Variants in PTPRD observed in about 807,000 individuals in gnomAD.
PTPRD encodes protein tyrosine phosphatase receptor type D, also known as receptor-type tyrosine-protein phosphatase delta.
In PTPRD, 34 loss-of-function variants were observed where a neutral mutation model predicts 214.5. The ratio of observed to expected loss-of-function variants is 0.16; its 90% CI spans 0.12 to 0.21. PTPRD has a LOEUF of 0.21. Among genes scored for constraint, PTPRD ranks in the 10% least tolerant of loss-of-function variants. PTPRD has a pLI of 1.00. For missense variants in PTPRD, 2,545 were observed against 2,398.7 expected, an observed-to-expected ratio of 1.06 and a Z score of -1.27; for synonymous variants, 1,128 against 845.7, an observed-to-expected ratio of 1.33 and a Z score of -5.79.
chr9:8,946,857 C>T (rs745669741), intron 11 of PTPRD, among the ~76,000 whole-genome samples: 9 of 151,864 alleles, frequency 5.9e-5, no homozygotes, highest in Non-Finnish European at 7.4e-5. Context: ...TTCTCTTTGT[C>T]TCTATCCTAT....
intron 27 of PTPRD, among the ~76,000 whole-genome samples, chr9:8,487,239 T>G (rs1219580702): frequency 6.6e-6 from 1 of 152,182 alleles, no homozygotes; most frequent in African/African-American, 2.4e-5. Flanking sequence ...ATTAAACTTC[T>G]TATGGTGAAA....
chr9:9,099,277 T>C (rs1416742451), intron 10 of PTPRD, among the ~76,000 whole-genome samples: 1 of 152,212 alleles, frequency 6.6e-6, no homozygotes. Flanking sequence ...TGCTGGTTCA[T>C]AATTATTCAT....
At position 10,018,538 on chromosome 9, in the gene PTPRD, CTTTTTTTTTTTTT is replaced by C. The variant is rs71321214; in HGVS notation, c.-472+15167_-472+15179del. 2.1e-4 allele frequency among the ~76,000 whole-genome samples: 15 copies of C among 71,126 alleles called. 2 individuals carry two copies. The highest frequency in any genetic ancestry group is 3.5e-4 in the Non-Finnish European group (13 of 36,840). 46.7% of individuals were successfully genotyped at this position (71,126 alleles called of 152,430 possible). A position where few individuals can be genotyped will look rare whatever the true frequency, so the allele number is the denominator to read the frequency against. On this transcript the variant is annotated intron_variant, in intron 4 of 45. Transcript: ENST00000381196. Reference sequence around the variant, plus strand: ...AATGATTTATTTAAGAATTACATTTCTTTTTTTTTTTTTTTTTTTTTTTTTTTGAGACGGAGTC... The same window carrying C: ...AATGATTTATTTAAGAATTACATTTCTTTTTTTTTTTTTTGAGACGGAGTC...
intron 11 of PTPRD, among the ~76,000 whole-genome samples, chr9:8,855,528 CA>C (rs1333201922): frequency 2.1e-4 from 32 of 152,194 alleles, no homozygotes; most frequent in African/African-American, 7.0e-4. Context: ...ATACATTACT[CA>C]ACTATATTAA....
intron 39 of PTPRD, among the ~76,000 whole-genome samples, chr9:8,349,409 C>G (rs928335143): frequency 6.6e-6 from 1 of 152,260 alleles, no homozygotes; most frequent in Non-Finnish European, 1.5e-5. Flanking sequence ...CCATCAGTAT[C>G]TGAGTGCAGT....
intron 2 of PTPRD, among the ~76,000 whole-genome samples, chr9:10,517,602 T>C (rs1012099421): frequency 6.6e-6 from 1 of 152,004 alleles, no homozygotes; most frequent in Admixed American, 6.6e-5. Flanking sequence ...ATTAATATTA[T>C]GTGTAGTATA....
intron 3 of PTPRD, among the ~76,000 whole-genome samples, chr9:10,225,668 C>G (rs1259223800): frequency 6.6e-6 from 1 of 151,996 alleles, no homozygotes; most frequent in African/African-American, 2.4e-5. Flanking sequence ...AGTCTAGGAA[C>G]AAGAAAAGTC....
At chr9:10,606,100 T>G (rs2133582873) in intron 2 of PTPRD, among the ~76,000 whole-genome samples, 1 of 151,938 alleles carries the variant, frequency 6.6e-6, no homozygotes, top group South Asian at 2.1e-4. Flanking sequence ...CTATGGTTCA[T>G]GAATAAACTG....
Position 9,910,492 on chromosome 9 carries a change from G to C in PTPRD, c.-368+28015C>G, listed in dbSNP as rs544043632. 1.7e-4 allele frequency among the ~76,000 whole-genome samples: 26 copies of C among 152,076 alleles called. No homozygotes were observed. In the East Asian group the frequency reaches 4.2e-3, roughly 25 times the overall value. ...TCTTGAAGGATGTTTGAAAACATAC[G>C]TACTCCTCTTGACAGTGTAGGGGTC... is the stretch of plus-strand genomic sequence containing the variant. On this transcript the variant is annotated intron_variant, in intron 5 of 45. Transcript: ENST00000381196.
In PTPRD at chr9:8,437,959, A is replaced by G. The variant is rs2095416274; in HGVS notation, c.3989-1270T>C. On this transcript the variant is annotated intron_variant, in intron 34 of 45. Transcript: ENST00000381196. ...TAATTTTACAGAAGTATCATGAAAG[A>G]GCATTGCTGACTCTTATCTTACAGA... is the stretch of plus-strand genomic sequence containing the variant. 2.0e-5 allele frequency among the ~76,000 whole-genome samples: 3 copies of G among 152,168 alleles called. No homozygotes were observed. In the South Asian group the frequency reaches 6.2e-4, roughly 32 times the overall value.
At chr9:8,446,487 T>A (rs2095732154) in intron 34 of PTPRD, among the ~76,000 whole-genome samples, 1 of 152,220 alleles carries the variant, frequency 6.6e-6, no homozygotes, top group African/African-American at 2.4e-5. Flanking sequence ...TTATCATTCA[T>A]AACAGACCCA....
chr9:9,496,546 G>T (rs559167792), intron 8 of PTPRD, among the ~76,000 whole-genome samples: 71 of 152,184 alleles, frequency 4.7e-4, no homozygotes, highest in Admixed American at 4.1e-3. Context: ...CATAAGGATG[G>T]CTACTATTTA....
chr9:9,564,297 C>CTGAAGTTCCT (rs1431725311), intron 8 of PTPRD, among the ~76,000 whole-genome samples: 1 of 151,992 alleles, frequency 6.6e-6, no homozygotes, highest in African/African-American at 2.4e-5. Flanking sequence ...GGAGCTATGC[C>CTGAAGTTCCT]CAAGTTCTTG....
At chr9:9,928,305 C>T (rs143870539) in intron 5 of PTPRD, among the ~76,000 whole-genome samples, 103 of 152,062 alleles carry the variant, frequency 6.8e-4, no homozygotes, top group African/African-American at 2.4e-3. Flanking sequence ...AATTTCATAC[C>T]ACATTATTTT....
rs57891244 is a variant in PTPRD at position 10,190,718 on chromosome 9, C to CAAAAA, written c.-545+150240_-545+150244dup. 1.7e-3 allele frequency among the ~76,000 whole-genome samples: 75 copies of CAAAAA among 44,218 alleles called. 1 individual carries two copies. The highest frequency in any genetic ancestry group is 5.4e-3 in the African/African-American group (69 of 12,706). 29.0% of individuals were successfully genotyped at this position (44,218 alleles called of 152,430 possible). Reference sequence around the variant, plus strand: ...GGGCAACAAGAGCAAAACTCTGTCTCAAAAAAAAAAAAAAAAAAAAAAAAA... The same window carrying CAAAAA: ...GGGCAACAAGAGCAAAACTCTGTCTCAAAAAAAAAAAAAAAAAAAAAAAAAAAAAA... On this transcript the variant is annotated intron_variant, in intron 3 of 45. Transcript: ENST00000381196.
At chr9:9,421,993 A>G (rs2078992866) in intron 8 of PTPRD, among the ~76,000 whole-genome samples, 1 of 152,148 alleles carries the variant, frequency 6.6e-6, no homozygotes, top group Non-Finnish European at 1.5e-5. Context: ...GTATTGAAAA[A>G]AAAAACAAAA....
chr9:8,627,734 C>T (rs543563162), intron 14 of PTPRD, among the ~76,000 whole-genome samples: 2 of 151,832 alleles, frequency 1.3e-5, no homozygotes, highest in African/African-American at 4.8e-5. Context: ...CACTTTCTCC[C>T]CCAGATTTTC....
chr9:9,528,148 G>A (rs572321850), intron 8 of PTPRD, among the ~76,000 whole-genome samples: 1 of 152,312 alleles, frequency 6.6e-6, no homozygotes, highest in Admixed American at 6.5e-5. Context: ...GTAAGAGAGA[G>A]GAGTAAGCTG....
At chr9:8,541,543 T>G (rs1212244317) in intron 14 of PTPRD, among the ~76,000 whole-genome samples, 1 of 152,106 alleles carries the variant, frequency 6.6e-6, no homozygotes, top group Non-Finnish European at 1.5e-5. Context: ...CTTTTATTCT[T>G]TTTGTGGAGA....
Sources: allele counts gnomAD v4.1 joint callset (sites outside exome capture counted in the v4.1 genomes callset), GRCh38; gene constraint gnomAD v4.1.1; transcripts MANE v1.5; gene names NCBI Gene and HGNC (gene_info 2026-07-23, HGNC 2026-07-21).